The following RUFY2 variants were observed in gnomAD, a reference collection of about 807,000 sequenced individuals.
The protein encoded by RUFY2 is RUN and FYVE domain-containing protein 2.
RUFY2 carries 49 observed loss-of-function variants against 94.4 expected under a neutral mutation model. The observed-to-expected ratio is 0.52, with a 90% CI of 0.41 to 0.66. The LOEUF is 0.66. RUFY2 is among the 30% of genes least tolerant of loss of function. RUFY2 has a pLI of 0.00. For synonymous variants in RUFY2, 255 were observed against 235.7 expected (o/e 1.08, Z -0.75); for missense variants, 541 against 692.8 (o/e 0.78, Z 2.46).
At chr10:68,353,512 G>C (rs1204629755) in intron 16 of RUFY2, among the ~76,000 whole-genome samples, 2 of 151,000 alleles carry the variant, frequency 1.3e-5, no homozygotes, top group African/African-American at 2.4e-5. Flanking sequence ...AAAAAATACA[G>C]AGTAAGACGG....
intron 16 of RUFY2, among the ~76,000 whole-genome samples, chr10:68,349,434 T>C (rs1250339592): frequency 1.3e-5 from 2 of 151,902 alleles, no homozygotes; most frequent in African/African-American, 2.4e-5. Context: ...GGGGGGAGGA[T>C]TGCTTGAACC....
chr10:68,405,062 C>T (rs2051164508), intron 1 of RUFY2, among the ~76,000 whole-genome samples: 1 of 152,048 alleles, frequency 6.6e-6, no homozygotes, highest in African/African-American at 2.4e-5. Context: ...CGCCTGTAAT[C>T]CCAGCACTTT....
At chr10:68,376,196 C>T (rs372765551) in intron 13 of RUFY2, among the ~76,000 whole-genome samples, 3 of 150,776 alleles carry the variant, frequency 2.0e-5, no homozygotes, top group Admixed American at 6.6e-5. Context: ...GAGGCCAAGA[C>T]GGGTGGATCA....
chr10:68,384,304 G>A (rs190555692), intron 8 of RUFY2, 152 bp from the exon 9 acceptor site: 18 of 1,008,916 alleles, frequency 1.8e-5, no homozygotes, highest in Admixed American at 3.4e-5. Flanking sequence ...AGGAAAACAC[G>A]CTCGTTATTA....
chr10:68,349,000 T>C (rs1238280269), intron 16 of RUFY2, among the ~76,000 whole-genome samples: 1 of 152,196 alleles, frequency 6.6e-6, no homozygotes, highest in East Asian at 1.9e-4. Flanking sequence ...TACAGGATTC[T>C]TCTCTGGAGA....
At chr10:68,386,589 C>A (rs1452788457) in intron 7 of RUFY2, among the ~76,000 whole-genome samples, 2 of 152,070 alleles carry the variant, frequency 1.3e-5, no homozygotes, top group Non-Finnish European at 2.9e-5. Context: ...ACCTCATGAC[C>A]CACCCACCTC....
downstream of RUFY2, chr10:68,341,687 A>G (rs2045956953): frequency 6.2e-7 from 1 of 1,606,986 alleles, no homozygotes; most frequent in Non-Finnish European, 8.5e-7. Context: ...ATGGGTATGT[A>G]AAGTTTTTAA....
rs745917327 is a variant in RUFY2, at chr10:68,386,053, C to T, written c.720+6G>A. On this transcript the variant is annotated splice_donor_region_variant and intron_variant, in intron 8 of 17. Coordinates refer to ENST00000602465, the MANE Select transcript of RUFY2 (RefSeq NM_001330103.2). ...CCATGAAATACATTTATCCATTAGA[C>T]AATACCTCTTCAATCAGCTTAGTAT... 6 of 1,586,816 alleles carry T rather than the reference C, an allele frequency of 3.8e-6. No individual in the cohort carries two copies. The highest frequency in any genetic ancestry group is 3.5e-6 in the Non-Finnish European group (4 of 1,158,950).
At chr10:68,402,714 A>G (rs891830112) in intron 2 of RUFY2, among the ~76,000 whole-genome samples, 1 of 128,580 alleles carries the variant, frequency 7.8e-6, no homozygotes, top group Non-Finnish European at 1.6e-5. Flanking sequence ...CCAGAGTGAG[A>G]CCCCCATCTC....
chr10:68,350,167 G>A (rs2046565615), intron 16 of RUFY2, among the ~76,000 whole-genome samples: 1 of 151,970 alleles, frequency 6.6e-6, no homozygotes, highest in Non-Finnish European at 1.5e-5. Flanking sequence ...ACACCACCAT[G>A]CCTGGCTAAT....
At chr10:68,386,570 G>C (rs2049515697) in intron 7 of RUFY2, among the ~76,000 whole-genome samples, 1 of 152,054 alleles carries the variant, frequency 6.6e-6, no homozygotes, top group Admixed American at 6.6e-5. Flanking sequence ...GGCTGGTCTT[G>C]AACTCCTGAC....
intron 4 of RUFY2, 49 bp from the exon 5 acceptor site, chr10:68,394,500 A>T: frequency 7.1e-7 from 1 of 1,401,258 alleles, no homozygotes; most frequent in Non-Finnish European, 1.0e-6. Flanking sequence ...TTTATTTCAA[A>T]AACTAAAATT....
chr10:68,343,978 TAAAA>T lies in RUFY2; in HGVS notation c.*1786_*1789del, dbSNP rs374539476. ...TTAAAATTTGTTCTAAGCACAGTAATAAAAAAGCATATTTGAAAATTTCATTTTT... is the reference window on the plus strand; with the variant it reads ...TTAAAATTTGTTCTAAGCACAGTAATAAGCATATTTGAAAATTTCATTTTT... On this transcript the variant is annotated 3_prime_UTR_variant, in exon 18 of 18. Transcript: ENST00000602465. 386 of 152,256 alleles carry T rather than the reference TAAAA, an allele frequency of 2.5e-3. 1 individual carries two copies. The highest frequency in any genetic ancestry group is 9.0e-3 in the African/African-American group (374 of 41,568). The allele number at this position is 152,256 out of a possible 1,614,324, so 9.4% of individuals were successfully genotyped here.
intron 8 of RUFY2, among the ~76,000 whole-genome samples, chr10:68,384,370 C>T (rs918537609): frequency 6.6e-6 from 1 of 152,144 alleles, no homozygotes; most frequent in Non-Finnish European, 1.5e-5. Context: ...ATTATTCCTA[C>T]TATTTTCTTT....
At chr10:68,397,458 G>T (rs944719937) in intron 3 of RUFY2, among the ~76,000 whole-genome samples, 1 of 152,034 alleles carries the variant, frequency 6.6e-6, no homozygotes, top group Non-Finnish European at 1.5e-5. Context: ...AGGTGGGCAC[G>T]GTGGCTGACA....
intron 15 of RUFY2, among the ~76,000 whole-genome samples, chr10:68,359,458 A>AAT (rs1231511791): frequency 1.3e-4 from 16 of 120,150 alleles, no homozygotes; most frequent in African/African-American, 4.4e-4. Flanking sequence ...TATACATAGT[A>AAT]GTAATGCTAC....
intron 13 of RUFY2, among the ~76,000 whole-genome samples, chr10:68,370,870 C>T (rs1219939745): frequency 6.6e-6 from 1 of 151,958 alleles, no homozygotes; most frequent in Non-Finnish European, 1.5e-5. Context: ...CAGTGGCTCA[C>T]GCCTGTAATC....
At chr10:68,363,805 G>T in intron 14 of RUFY2, 121 bp from the exon 15 acceptor site, 1 of 838,536 alleles carries the variant, frequency 1.2e-6, no homozygotes, top group Non-Finnish European at 1.8e-6. Context: ...AACAAATTGT[G>T]TCCAAAGCTC....
In RUFY2 at chr10:68,404,720, C is replaced by T; in HGVS notation, c.129G>A (p.Leu43=). ...GTTCCATAACAACAAAGAATTGCTGCAAGGGGGGATAGTCAGAATCCAAAG... is the reference window on the plus strand; with the variant it reads ...GTTCCATAACAACAAAGAATTGCTGTAAGGGGGGATAGTCAGAATCCAAAG... The part of the protein sequence containing the change: ...GRTLDSDYPP[L]QQFFVVMEHC... Residue 43 remains leucine (L), a synonymous_variant, in exon 2 of 18, where the codon TTG becomes TTA. Coordinates refer to ENST00000602465, the MANE Select transcript of RUFY2 (RefSeq NM_001330103.2). The T allele has an allele frequency of 6.2e-7, 1 of 1,612,642 alleles. No individual in the cohort carries two copies. The highest frequency in any genetic ancestry group is 8.5e-7 in the Non-Finnish European group (1 of 1,179,438).
Sources: allele counts gnomAD v4.1 joint callset (sites outside exome capture counted in the v4.1 genomes callset), GRCh38; gene constraint gnomAD v4.1.1; transcripts MANE v1.5; gene names NCBI Gene and HGNC (gene_info 2026-07-23, HGNC 2026-07-21).